HECW1: variants seen among roughly 807,000 people sequenced by gnomAD.
HECW1 encodes the protein HECT, C2 and WW domain containing E3 ubiquitin protein ligase 1, also known as E3 ubiquitin-protein ligase HECW1.
A neutral mutation model predicts 182.3 loss-of-function variants in HECW1; 61 were observed. The observed-to-expected ratio is 0.33, with a 90% CI of 0.27 to 0.41. The LOEUF is 0.41. HECW1 is among the 10% of genes least tolerant of loss of function. The pLI, the probability that HECW1 is intolerant of heterozygous loss-of-function variation, is 1.00. For missense variants in HECW1, 1,739 were observed against 2,108.9 expected (o/e 0.82, Z 3.44); for synonymous variants, 859 against 832.6 (o/e 1.03, Z -0.55).
chr7:43,219,762 G>A (rs1051209308), intron 2 of HECW1, among the ~76,000 whole-genome samples: 4 of 152,224 alleles, frequency 2.6e-5, no homozygotes, highest in Non-Finnish European at 4.4e-5. Flanking sequence ...TACCAGCCCA[G>A]GGTGTGGTAC....
intron 16 of HECW1, among the ~76,000 whole-genome samples, chr7:43,469,958 C>G (rs1382642362): frequency 6.6e-6 from 1 of 152,196 alleles, no homozygotes; most frequent in African/African-American, 2.4e-5. Context: ...AGCCATGAGT[C>G]TCTCTCCTAT....
At chr7:43,316,142 C>T (rs1283051472) in intron 4 of HECW1, among the ~76,000 whole-genome samples, 1 of 152,088 alleles carries the variant, frequency 6.6e-6, no homozygotes, top group East Asian at 1.9e-4. Flanking sequence ...CTTTATTAGA[C>T]CTTTCTGATT....
rs2082254104 is a variant in HECW1 at position 43,563,135 on chromosome 7, T to C, written c.*1209T>C. 4.9e-6 allele frequency: 1 copy of C among 203,318 alleles called. No individual in the cohort carries two copies. The highest frequency in any genetic ancestry group is 2.3e-5 in the African/African-American group (1 of 43,570). The allele number at this position is 203,318 out of a possible 1,614,324, so 12.6% of individuals were successfully genotyped here. A position where few individuals can be genotyped will look rare whatever the true frequency, so the allele number is the denominator to read the frequency against. On this transcript the variant is annotated 3_prime_UTR_variant, in exon 30 of 30. Coordinates refer to ENST00000395891, the MANE Select transcript of HECW1 (RefSeq NM_015052.5). ...TAGGGATCAAGGGCAACATAGTACT[T>C]CTCCTTCACCCATAGTAATCCTCCT...
intron 6 of HECW1, among the ~76,000 whole-genome samples, chr7:43,381,424 C>T (rs1429923110): frequency 6.6e-6 from 1 of 151,908 alleles, no homozygotes; most frequent in Non-Finnish European, 1.5e-5. Flanking sequence ...TGGGCTCAAG[C>T]AATTCTCCCA....
chr7:43,550,412 A>C (rs1179116962), intron 26 of HECW1, 33 bp from the exon 27 acceptor site: 1 of 1,612,916 alleles, frequency 6.2e-7, no homozygotes, highest in East Asian at 2.2e-5. Context: ...AGCAGAACTG[A>C]CAAGCATCGC....
In HECW1 at chr7:43,114,304, CG is replaced by C; in HGVS notation, c.-117del. ...CGAAAAGGCCAACCGTTAAAGACCC[CG>C]GCAGTGTTGTGGTCCAAGGCGTCTC... On this transcript the variant is annotated 5_prime_UTR_variant, in exon 2 of 30. An upstream open reading frame in the 5' UTR gains an earlier in-frame stop. Transcript: ENST00000395891. 1 of 1,362,930 alleles carries C rather than the reference CG, an allele frequency of 7.3e-7. No homozygotes were observed. Among genetic ancestry groups the C allele is most frequent in the Non-Finnish European group, 9.7e-7 (1 of 1,033,962 alleles). 84.4% of individuals were successfully genotyped at this position (1,362,930 alleles called of 1,614,324 possible).
intron 6 of HECW1, among the ~76,000 whole-genome samples, chr7:43,375,387 T>G (rs888390773): frequency 2.6e-5 from 4 of 152,186 alleles, no homozygotes; most frequent in Non-Finnish European, 5.9e-5. Flanking sequence ...ATAGAGAAAT[T>G]GCCCACATGT....
chr7:43,510,673 T>C (rs1341085665), intron 24 of HECW1, among the ~76,000 whole-genome samples: 1 of 152,168 alleles, frequency 6.6e-6, no homozygotes, highest in Non-Finnish European at 1.5e-5. Flanking sequence ...GGGAAAAATA[T>C]CGCACTCTGT....
chr7:43,193,358 A>G (rs1794120497), intron 2 of HECW1, among the ~76,000 whole-genome samples: 2 of 151,914 alleles, frequency 1.3e-5, no homozygotes, highest in Non-Finnish European at 2.9e-5. Context: ...TATTATATGT[A>G]TTATATCTTC....
chr7:43,261,542 C>T (rs983916281), intron 3 of HECW1, among the ~76,000 whole-genome samples: 1 of 152,160 alleles, frequency 6.6e-6, no homozygotes, highest in South Asian at 2.1e-4. Context: ...ACCTGGCTGC[C>T]CCTGGTACAG....
At chr7:43,246,463 C>T (rs185853575) in intron 3 of HECW1, among the ~76,000 whole-genome samples, 2 of 152,232 alleles carry the variant, frequency 1.3e-5, no homozygotes, top group East Asian at 1.9e-4. Flanking sequence ...AGGGGTACAT[C>T]GCAAACCACC....
Position 43,537,191 on chromosome 7 carries a change from G to A in HECW1, c.4020-3972G>A, listed in dbSNP as rs2081208754. Among the ~76,000 whole-genome samples, 4 of 152,188 alleles carry A rather than the reference G, an allele frequency of 2.6e-5. No individual in the cohort carries two copies. In the South Asian group the frequency reaches 8.3e-4, roughly 31 times the overall value. On this transcript the variant is annotated intron_variant, in intron 24 of 29. Coordinates refer to ENST00000395891, the MANE Select transcript of HECW1 (RefSeq NM_015052.5). ...CTCACACACACAGGCTCTCGAACGG[G>A]GCCCTGGGGCCCGGTATTTAAGTAA... is the stretch of plus-strand genomic sequence containing the variant.
intron 5 of HECW1, among the ~76,000 whole-genome samples, chr7:43,335,983 TTC>T (rs1252901497): frequency 2.0e-4 from 29 of 144,060 alleles, no homozygotes; most frequent in Non-Finnish European, 3.5e-4. Flanking sequence ...CTCTCTCTCT[TTC>T]TCTCTCTCTC....
chr7:43,193,213 A>C (rs1026252658), intron 2 of HECW1, among the ~76,000 whole-genome samples: 3 of 152,272 alleles, frequency 2.0e-5, no homozygotes, highest in Non-Finnish European at 4.4e-5. Flanking sequence ...TAGAATTTGC[A>C]TTTGTAGCCA....
chr7:43,488,430 GAAAGAGAAAGAAAGAAAGAA>G (rs1323534284), intron 17 of HECW1, among the ~76,000 whole-genome samples: 13 of 86,676 alleles, frequency 1.5e-4, no homozygotes, highest in Admixed American at 2.7e-4. Context: ...GAGAAAGAAA[GAAAGAGAAAGAAAGAAAGAA>G]AGAAAGAAAG....
chr7:43,323,574 C>T (rs941850708), intron 5 of HECW1, among the ~76,000 whole-genome samples: 1 of 152,146 alleles, frequency 6.6e-6, no homozygotes, highest in African/African-American at 2.4e-5. Context: ...CACTGAACTC[C>T]AGCCTGGGCG....
intron 5 of HECW1, among the ~76,000 whole-genome samples, chr7:43,337,758 C>T (rs1812488706): frequency 6.6e-6 from 1 of 152,232 alleles, no homozygotes; most frequent in South Asian, 2.1e-4. Flanking sequence ...CCAGCAAATT[C>T]TAAACCTACA....
At chr7:43,142,275 C>A (rs1203494872) in intron 2 of HECW1, among the ~76,000 whole-genome samples, 1 of 152,220 alleles carries the variant, frequency 6.6e-6, no homozygotes, top group Non-Finnish European at 1.5e-5. Flanking sequence ...TTGGACAACA[C>A]TGTGGATATT....
At chr7:43,394,762 G>C (rs2075167435) in intron 6 of HECW1, among the ~76,000 whole-genome samples, 1 of 152,148 alleles carries the variant, frequency 6.6e-6, no homozygotes, top group Non-Finnish European at 1.5e-5. Context: ...GATTCATCAA[G>C]ACAGGGGAAT....
Sources: allele counts gnomAD v4.1 joint callset (sites outside exome capture counted in the v4.1 genomes callset), GRCh38; gene constraint gnomAD v4.1.1; transcripts MANE v1.5; gene names NCBI Gene and HGNC (gene_info 2026-07-23, HGNC 2026-07-21).